GALNT13: variants seen among roughly 807,000 people sequenced by gnomAD.
GALNT13 encodes the protein polypeptide N-acetylgalactosaminyltransferase 13.
A neutral mutation model predicts 64.2 loss-of-function variants in GALNT13; 28 were observed. The observed-to-expected ratio is 0.44, with a 90% CI of 0.32 to 0.60. The LOEUF (loss-of-function observed/expected upper bound fraction) is 0.60. Among genes scored for constraint, GALNT13 ranks in the 20% least tolerant of loss-of-function variants. GALNT13 has a pLI of 0.05. For synonymous variants in GALNT13, 214 were observed against 224.6 expected (o/e 0.95, Z 0.42); for missense variants, 577 against 669.8 (o/e 0.86, Z 1.53).
intron 7 of GALNT13, among the ~76,000 whole-genome samples, chr2:154,249,025 CT>C (rs202057822): frequency 0.02 from 3,025 of 152,220 alleles, 57 homozygotes; most frequent in Non-Finnish European, 0.024. Flanking sequence ...CATATCACCC[CT>C]GTATAACTAT....
chr2:154,077,934 G>T (rs984115056), intron 3 of GALNT13, among the ~76,000 whole-genome samples: 5 of 151,322 alleles, frequency 3.3e-5, no homozygotes, highest in Non-Finnish European at 4.4e-5. Context: ...CTGCAAAATT[G>T]TTAAACAGAG....
chr2:153,905,621 A>G lies in GALNT13; in HGVS notation c.-105+4614A>G, dbSNP rs113547599. On this transcript the variant is annotated intron_variant, in intron 2 of 12. Transcript: ENST00000392825. ...AGTCTTGTGAATGATTTTGGTCATA[A>G]CTTTCATAGTTTGAGGTGCAACAGC... 5.6e-3 allele frequency among the ~76,000 whole-genome samples: 857 copies of G among 152,106 alleles called. 12 individuals carry two copies. Among genetic ancestry groups the G allele is most frequent in the East Asian group, 0.055 (285 of 5,170 alleles).
the GALNT13 span, among the ~76,000 whole-genome samples, chr2:153,658,582 T>A: frequency 1.3e-5 from 2 of 152,166 alleles, no homozygotes; most frequent in Non-Finnish European, 2.9e-5. Context: ...ATTTAGCATT[T>A]TTAAAAATTA....
chr2:154,179,501 A>G (rs577720344), intron 4 of GALNT13, among the ~76,000 whole-genome samples: 15 of 152,252 alleles, frequency 9.9e-5, no homozygotes, highest in African/African-American at 3.6e-4. Flanking sequence ...TATATACAAA[A>G]TGTTCTTAAC....
chr2:153,599,470 A>T, the GALNT13 span, among the ~76,000 whole-genome samples: 1 of 151,912 alleles, frequency 6.6e-6, no homozygotes, highest in Non-Finnish European at 1.5e-5. Flanking sequence ...GCAGCCACTT[A>T]TGAGGGAGAA....
the GALNT13 span, among the ~76,000 whole-genome samples, chr2:153,446,011 A>T: frequency 6.6e-6 from 1 of 152,194 alleles, no homozygotes; most frequent in South Asian, 2.1e-4. Flanking sequence ...CTTTCAAAAA[A>T]TAAAAACATT....
the GALNT13 span, among the ~76,000 whole-genome samples, chr2:153,800,822 C>T: frequency 3.3e-5 from 5 of 152,168 alleles, no homozygotes; most frequent in African/African-American, 1.2e-4. Context: ...GTTACTTCCT[C>T]CACTGAAGTC....
intron 8 of GALNT13, among the ~76,000 whole-genome samples, chr2:154,298,729 T>TATAAATTG (rs1693207249): frequency 1.2e-5 from 1 of 84,312 alleles, no homozygotes; most frequent in East Asian, 4.3e-4. Flanking sequence ...ATTATATTAT[T>TATAAATTG]TATATATAGT....
the GALNT13 span, among the ~76,000 whole-genome samples, chr2:153,193,658 A>AAG: frequency 6.6e-6 from 1 of 150,982 alleles, no homozygotes; most frequent in East Asian, 1.9e-4. Context: ...TTAATAAAAA[A>AAG]AAAAACTTTT....
chr2:154,086,563 TTA>T (rs1345881512), intron 3 of GALNT13, among the ~76,000 whole-genome samples: 1 of 151,784 alleles, frequency 6.6e-6, no homozygotes, highest in African/African-American at 2.4e-5. Context: ...GTATGCATTT[TTA>T]TATGGGACAC....
chr2:153,692,973 A>T, the GALNT13 span, among the ~76,000 whole-genome samples: 1 of 152,148 alleles, frequency 6.6e-6, no homozygotes, highest in Non-Finnish European at 1.5e-5. Flanking sequence ...CCAATATTTC[A>T]CATTGTTCTC....
chr2:153,199,751 A>G, the GALNT13 span, among the ~76,000 whole-genome samples: 1 of 152,358 alleles, frequency 6.6e-6, no homozygotes, highest in South Asian at 2.1e-4. Context: ...TTACCAGAAA[A>G]GCAATGATAA....
At chr2:154,014,822 G>A (rs1484129284) in intron 3 of GALNT13, among the ~76,000 whole-genome samples, 6 of 151,240 alleles carry the variant, frequency 4.0e-5, no homozygotes, top group Admixed American at 6.6e-5. Flanking sequence ...TAGTAGAGAC[G>A]GGGTTTCACT....
intron 3 of GALNT13, among the ~76,000 whole-genome samples, chr2:154,021,677 A>T (rs1697509962): frequency 6.6e-6 from 1 of 151,636 alleles, no homozygotes; most frequent in Non-Finnish European, 1.5e-5. Context: ...TCTTTTCCTA[A>T]TTGAATACCC....
intron 4 of GALNT13, among the ~76,000 whole-genome samples, chr2:154,219,797 C>T (rs945928707): frequency 1.3e-5 from 2 of 151,996 alleles, no homozygotes; most frequent in Non-Finnish European, 2.9e-5. Context: ...CCAGTCTCCA[C>T]CTGGGAAGTG....
At chr2:153,082,616 TATACACACACACAC>T in the GALNT13 span, among the ~76,000 whole-genome samples, 17 of 26,576 alleles carry the variant, frequency 6.4e-4, no homozygotes, top group African/African-American at 1.2e-3. Context: ...TATATATATA[TATACACACACACAC>T]ACACACACAC....
chr2:154,300,164 G>A (rs1320279850), intron 8 of GALNT13, among the ~76,000 whole-genome samples: 2 of 147,352 alleles, frequency 1.4e-5, no homozygotes, highest in South Asian at 2.1e-4. Flanking sequence ...GCAATGGCGC[G>A]TGATCTCGGC....
chr2:154,057,899 A>G (rs1047514170), intron 3 of GALNT13, among the ~76,000 whole-genome samples: 7 of 152,200 alleles, frequency 4.6e-5, no homozygotes, highest in Non-Finnish European at 8.8e-5. Flanking sequence ...GTGACACTCA[A>G]TACATTTTTG....
chr2:154,448,764 AG>A (rs1701723778), intron 12 of GALNT13, among the ~76,000 whole-genome samples: 1 of 152,062 alleles, frequency 6.6e-6, no homozygotes, highest in Non-Finnish European at 1.5e-5. Flanking sequence ...AATTGATCAA[AG>A]CATTCAACTA....
Sources: allele counts gnomAD v4.1 joint callset (sites outside exome capture counted in the v4.1 genomes callset), GRCh38; gene constraint gnomAD v4.1.1; transcripts MANE v1.5; gene names NCBI Gene and HGNC (gene_info 2026-07-23, HGNC 2026-07-21).